Variants in SPRR2B observed in about 807,000 individuals in gnomAD.
SPRR2B encodes small proline rich protein 2B, also known as small proline-rich protein 2B.
Under a neutral mutation model 1.0 loss-of-function variants are expected in SPRR2B, and 1 was observed. That is an observed-to-expected ratio of 1.01 (90% CI 0.36 to 4.77). SPRR2B has a LOEUF of 4.77. Ranked by LOEUF, SPRR2B falls within the 30% of genes most tolerant of loss-of-function variation. The pLI is 0.16. For missense variants in SPRR2B, 53 were observed against 88.7 expected, an observed-to-expected ratio of 0.60 and a Z score of 1.62; for synonymous variants, 27 against 33.4, an observed-to-expected ratio of 0.81 and a Z score of 0.66.
the SPRR2B span, among the ~76,000 whole-genome samples, chr1:153,080,046 A>G: frequency 6.6e-6 from 1 of 152,158 alleles, no homozygotes; most frequent in Non-Finnish European, 1.5e-5. Flanking sequence ...TTCATTGAGA[A>G]GTGGTTTGTA....
the SPRR2B span, among the ~76,000 whole-genome samples, chr1:153,082,145 A>C: frequency 6.6e-6 from 1 of 152,244 alleles, no homozygotes; most frequent in African/African-American, 2.4e-5. Flanking sequence ...CGATGAAACC[A>C]CAAAAATATT....
chr1:153,080,413 C>T, the SPRR2B span, among the ~76,000 whole-genome samples: 1 of 152,130 alleles, frequency 6.6e-6, no homozygotes, highest in African/African-American at 2.4e-5. Context: ...CCAGGATAAA[C>T]CATATCCATT....
At chr1:153,076,050 T>C (rs1396895855), upstream of SPRR2B, among the ~76,000 whole-genome samples, 2 of 152,200 alleles carry the variant, frequency 1.3e-5, no homozygotes, top group Non-Finnish European at 2.9e-5. Context: ...ATATGTATTC[T>C]ATGTGAAAAA....
Position 153,070,437 on chromosome 1 carries a change from T to C in SPRR2B, c.*184A>G, listed in dbSNP as rs554447125. 9.3e-6 allele frequency: 11 copies of C among 1,184,166 alleles called. No homozygotes were observed. The highest frequency in any genetic ancestry group is 8.1e-5 in the South Asian group (5 of 61,786). The allele number at this position is 1,184,166 out of a possible 1,614,324, so 73.4% of individuals were successfully genotyped here. A position where few individuals can be genotyped will look rare whatever the true frequency, so the allele number is the denominator to read the frequency against. On this transcript the variant is annotated 3_prime_UTR_variant, in exon 2 of 2. Coordinates refer to ENST00000368755, the MANE Select transcript of SPRR2B (RefSeq NM_001388198.1). ...TCAGTCTCCACCTGGACAGTGGCAG[T>C]ATGGCAGCCTTAGAAAGGAAACCTT...
chr1:153,082,247 G>C, the SPRR2B span, among the ~76,000 whole-genome samples: 2,527 of 152,200 alleles, frequency 0.017, 69 homozygotes, highest in African/African-American at 0.058. Flanking sequence ...AACACAAACA[G>C]TGTACAGAAA....
upstream of SPRR2B, among the ~76,000 whole-genome samples, chr1:153,076,000 T>C (rs900987261): frequency 6.6e-6 from 1 of 152,214 alleles, no homozygotes. Context: ...AATAGCAATA[T>C]GTTGATTTGT....
chr1:153,077,525 G>C, the SPRR2B span, among the ~76,000 whole-genome samples: 1 of 151,726 alleles, frequency 6.6e-6, no homozygotes, highest in Admixed American at 6.6e-5. Context: ...ATAATTACAA[G>C]TCTATGTTAG....
At chr1:153,086,519 G>C in the SPRR2B span, among the ~76,000 whole-genome samples, 2 of 152,308 alleles carry the variant, frequency 1.3e-5, no homozygotes, top group South Asian at 4.1e-4. Flanking sequence ...GGAGAACTCA[G>C]ATTTATCAAT....
At chr1:153,075,023 A>G (rs983453817), upstream of SPRR2B, among the ~76,000 whole-genome samples, 3 of 152,224 alleles carry the variant, frequency 2.0e-5, no homozygotes, top group Non-Finnish European at 2.9e-5. Flanking sequence ...CTGAAGCCAC[A>G]GACATGCAAT....
the SPRR2B span, among the ~76,000 whole-genome samples, chr1:153,079,296 T>C: frequency 6.6e-6 from 1 of 152,190 alleles, no homozygotes; most frequent in Non-Finnish European, 1.5e-5. Context: ...TTGCAAAAAT[T>C]TTCTCCATTC....
chr1:153,084,029 C>G, the SPRR2B span, among the ~76,000 whole-genome samples: 4 of 152,160 alleles, frequency 2.6e-5, no homozygotes, highest in Non-Finnish European at 4.4e-5. Context: ...CCTGGGGTAC[C>G]AGCCTGGATG....
rs1314725740 is a variant in SPRR2B at position 153,070,644 on chromosome 1, T to C, written c.196A>G (p.Lys66Glu). ...TGTTACTTGCTCTTCGGTGGATACT[T>C]TGGCTGGCAGGGTGGGGAAGGTGTC... is the stretch of plus-strand genomic sequence containing the variant. ...PVTPSPPCQP[K>E]YPPKSK The change falls in exon 2 of 2, where the codon AAG becomes GAG. Residue 66 changes from lysine to glutamate, a missense_variant. By Grantham distance (56) the Lys-to-Glu change is moderately conservative. Coordinates refer to ENST00000368755, the MANE Select transcript of SPRR2B (RefSeq NM_001388198.1). 2.5e-6 allele frequency: 4 copies of C among 1,612,182 alleles called. No homozygotes were observed. Among genetic ancestry groups the C allele is most frequent in the East Asian group, 2.2e-5 (1 of 44,896 alleles).
At chr1:153,072,993 GA>G (rs968874208), upstream of SPRR2B, among the ~76,000 whole-genome samples, 1 of 152,064 alleles carries the variant, frequency 6.6e-6, no homozygotes, top group African/African-American at 2.4e-5. Flanking sequence ...AGGAAGATAA[GA>G]AAAAAAGAGG....
chr1:153,087,767 G>A, the SPRR2B span, among the ~76,000 whole-genome samples: 91 of 152,196 alleles, frequency 6.0e-4, no homozygotes, highest in African/African-American at 2.1e-3. Context: ...CCTACCAGCC[G>A]AAATAAGCCC....
chr1:153,084,845 G>A, the SPRR2B span, among the ~76,000 whole-genome samples: 4 of 152,112 alleles, frequency 2.6e-5, no homozygotes, highest in African/African-American at 4.8e-5. Flanking sequence ...CCTAACCCGG[G>A]GGAGCCAAAG....
chr1:153,070,521 A>T lies in SPRR2B; in HGVS notation c.*100T>A, dbSNP rs911390991. On this transcript the variant is annotated 3_prime_UTR_variant, in exon 2 of 2. Transcript: ENST00000368755. ...GCTAAGGGGAAAGAAGCTCCCTATG[A>T]ATCCATGATAAGCTTTGATGAGAAG... 6 of 1,537,408 alleles carry T rather than the reference A, an allele frequency of 3.9e-6. No homozygotes were observed. Among genetic ancestry groups the T allele is most frequent in the East Asian group, 2.3e-5 (1 of 44,252 alleles).
upstream of SPRR2B, among the ~76,000 whole-genome samples, chr1:153,074,863 C>A (rs1374255609): frequency 6.6e-6 from 1 of 152,072 alleles, no homozygotes; most frequent in Non-Finnish European, 1.5e-5. Context: ...ATTTTTTCAG[C>A]ATTTTTGGGC....
chr1:153,075,824 G>A (rs1557911364), upstream of SPRR2B, among the ~76,000 whole-genome samples: 1 of 152,188 alleles, frequency 6.6e-6, no homozygotes. Context: ...TTTGAATGAA[G>A]TGTGCAGAAA....
At chr1:153,073,651 C>T (rs183180468), upstream of SPRR2B, among the ~76,000 whole-genome samples, 118 of 151,854 alleles carry the variant, frequency 7.8e-4, no homozygotes, top group Middle Eastern at 3.4e-3. Flanking sequence ...ACACCTTCCC[C>T]AGGTTAGGAC....
Sources: gnomAD v4.1 joint callset for allele counts (sites outside exome capture counted in the v4.1 genomes callset) on GRCh38, gnomAD v4.1.1 for gene constraint, MANE v1.5 for transcripts, NCBI Gene and HGNC (gene_info 2026-07-23, HGNC 2026-07-21) for gene names.